PTPRD: variants seen among roughly 807,000 people sequenced by gnomAD.
PTPRD encodes protein tyrosine phosphatase receptor type D, also known as receptor-type tyrosine-protein phosphatase delta.
PTPRD carries 34 observed loss-of-function variants against 214.5 expected under a neutral mutation model. The observed-to-expected ratio is 0.16, with a 90% confidence interval of 0.12 to 0.21. The LOEUF is 0.21. PTPRD is among the 10% of genes least tolerant of loss of function. The pLI, the probability that PTPRD is intolerant of heterozygous loss-of-function variation, is 1.00. For missense variants in PTPRD, 2,545 were observed against 2,398.7 expected (o/e 1.06, Z -1.27); for synonymous variants, 1,128 against 845.7 (o/e 1.33, Z -5.79).
chr9:10,599,445 T>G (rs1395016156), intron 2 of PTPRD, among the ~76,000 whole-genome samples: 1 of 151,734 alleles, frequency 6.6e-6, no homozygotes, highest in Admixed American at 6.6e-5. Flanking sequence ...TCTACTGCAG[T>G]GTAGCATATG....
At chr9:9,138,647 T>C (rs2099854913) in intron 10 of PTPRD, among the ~76,000 whole-genome samples, 1 of 152,164 alleles carries the variant, frequency 6.6e-6, no homozygotes, top group South Asian at 2.1e-4. Context: ...AACCACAGTT[T>C]TAAGGTACAT....
chr9:9,277,976 G>A lies in PTPRD; in HGVS notation c.-202-94613C>T, dbSNP rs181588575. Among the ~76,000 whole-genome samples the A allele has an allele frequency of 6.6e-5, 10 of 151,448 alleles. No individual in the cohort carries two copies. The Admixed American group carries it at 6.6e-4, about 10-fold the overall frequency. On this transcript the variant is annotated intron_variant, in intron 9 of 45. Transcript: ENST00000381196. ...ATAATTTTAGGACAACCAGGTGGAA[G>A]AAATATGTTACCTCATATTCATAAA...
intron 11 of PTPRD, among the ~76,000 whole-genome samples, chr9:8,995,150 G>T (rs543050987): frequency 2.0e-5 from 3 of 151,920 alleles, no homozygotes; most frequent in African/African-American, 7.3e-5. Context: ...TTAAAAGGAG[G>T]AGAAACTTAA....
chr9:10,051,314 C>G (rs1241717778), intron 3 of PTPRD, among the ~76,000 whole-genome samples: 1 of 152,020 alleles, frequency 6.6e-6, no homozygotes, highest in Non-Finnish European at 1.5e-5. Flanking sequence ...GAAATAGTAA[C>G]CAGTACTCAT....
chr9:9,761,606 G>A (rs1035799765), intron 6 of PTPRD, among the ~76,000 whole-genome samples: 1 of 152,064 alleles, frequency 6.6e-6, no homozygotes, highest in African/African-American at 2.4e-5. Flanking sequence ...CAATATGCTG[G>A]TTGTGATATT....
intron 14 of PTPRD, among the ~76,000 whole-genome samples, chr9:8,594,797 A>G (rs2094376841): frequency 6.6e-6 from 1 of 151,962 alleles, no homozygotes; most frequent in Non-Finnish European, 1.5e-5. Context: ...TTTTCTTATA[A>G]ATTACCCAGT....
intron 9 of PTPRD, among the ~76,000 whole-genome samples, chr9:9,247,207 C>T (rs1293655113): frequency 6.6e-6 from 1 of 151,960 alleles, no homozygotes; most frequent in African/African-American, 2.4e-5. Context: ...GGGTCCTTCC[C>T]TATACCTGGG....
intron 11 of PTPRD, among the ~76,000 whole-genome samples, chr9:8,928,799 G>A (rs2098923232): frequency 6.6e-6 from 1 of 152,068 alleles, no homozygotes; most frequent in Non-Finnish European, 1.5e-5. Flanking sequence ...CCATTTTCAT[G>A]ATATTGATTC....
intron 5 of PTPRD, among the ~76,000 whole-genome samples, chr9:9,887,188 C>G (rs187188787): frequency 6.6e-6 from 1 of 152,100 alleles, no homozygotes; most frequent in Non-Finnish European, 1.5e-5. Context: ...AATTAGAAAG[C>G]CTTCTGTCAA....
chr9:10,390,081 A>G (rs1483695069), intron 2 of PTPRD, among the ~76,000 whole-genome samples: 1 of 151,832 alleles, frequency 6.6e-6, no homozygotes, highest in Non-Finnish European at 1.5e-5. Flanking sequence ...TAAATTGCCC[A>G]TTAGGAGCAA....
chr9:9,104,137 T>C (rs2099795202), intron 10 of PTPRD, among the ~76,000 whole-genome samples: 2 of 152,202 alleles, frequency 1.3e-5, no homozygotes, highest in South Asian at 4.1e-4. Flanking sequence ...AAATAGTAGA[T>C]ACTTTAGGCT....
intron 3 of PTPRD, among the ~76,000 whole-genome samples, chr9:10,079,263 G>C (rs1346312218): frequency 6.6e-6 from 1 of 152,052 alleles, no homozygotes; most frequent in Non-Finnish European, 1.5e-5. Flanking sequence ...GATCCAGACG[G>C]GCGTGCCATT....
chr9:9,917,638 C>T (rs2081325265), intron 5 of PTPRD, among the ~76,000 whole-genome samples: 1 of 151,706 alleles, frequency 6.6e-6, no homozygotes, highest in Non-Finnish European at 1.5e-5. Context: ...ATAAAAATAG[C>T]TAAACAGAAA....
chr9:9,803,842 T>G (rs2099056845), intron 5 of PTPRD: 1 of 152,008 alleles, frequency 6.6e-6, no homozygotes, highest in Non-Finnish European at 1.5e-5. Flanking sequence ...TGGAGTAGTG[T>G]AATGAAATAT....
chr9:9,580,281 T>C (rs562578261), intron 7 of PTPRD, among the ~76,000 whole-genome samples: 7 of 152,236 alleles, frequency 4.6e-5, no homozygotes, highest in Admixed American at 2.0e-4. Flanking sequence ...TTGAGAAATC[T>C]CCATACTGTT....
At chr9:10,126,318 CATA>C (rs1303195661) in intron 3 of PTPRD, among the ~76,000 whole-genome samples, 3 of 151,730 alleles carry the variant, frequency 2.0e-5, no homozygotes, top group Non-Finnish European at 4.4e-5. Context: ...TTTAATATTC[CATA>C]ATATCATCAT....
chr9:9,656,834 T>A (rs1242381094), intron 7 of PTPRD, among the ~76,000 whole-genome samples: 1 of 151,998 alleles, frequency 6.6e-6, no homozygotes, highest in Non-Finnish European at 1.5e-5. Context: ...TGGGGGATGT[T>A]GATAGTGGGA....
chr9:8,735,173 T>C (rs2089940169), intron 11 of PTPRD, among the ~76,000 whole-genome samples: 1 of 145,866 alleles, frequency 6.9e-6, no homozygotes, highest in Non-Finnish European at 1.5e-5. Flanking sequence ...TGAGACAGTC[T>C]CACTCTGTCA....
intron 21 of PTPRD, among the ~76,000 whole-genome samples, chr9:8,507,660 G>A (rs1188829379): frequency 1.3e-5 from 2 of 152,066 alleles, no homozygotes; most frequent in African/African-American, 4.8e-5. Flanking sequence ...AGATATAGTA[G>A]AACTAATAAG....
Sources: gnomAD v4.1 joint callset for allele counts (sites outside exome capture counted in the v4.1 genomes callset) on GRCh38, gnomAD v4.1.1 for gene constraint, MANE v1.5 for transcripts, NCBI Gene and HGNC (gene_info 2026-07-23, HGNC 2026-07-21) for gene names.